The following MARCHF1 variants were observed in gnomAD, a reference collection of about 807,000 sequenced individuals.
The protein encoded by MARCHF1 is membrane associated ring-CH-type finger 1.
Under a neutral mutation model 54.2 loss-of-function variants are expected in MARCHF1, and 40 were observed. The observed-to-expected ratio is 0.74, with a 90% CI of 0.57 to 0.96. The LOEUF is 0.96. Among genes scored for constraint, MARCHF1 ranks in the 40% least tolerant of loss-of-function variants. The pLI is 0.00. For synonymous variants in MARCHF1, 236 were observed against 236.3 expected, an observed-to-expected ratio of 1.00 and a Z score of 0.01; for missense variants, 586 against 656.5, an observed-to-expected ratio of 0.89 and a Z score of 1.17.
chr4:163,595,865 T>C (rs917341113), intron 7 of MARCHF1, among the ~76,000 whole-genome samples: 1 of 152,106 alleles, frequency 6.6e-6, no homozygotes, highest in Non-Finnish European at 1.5e-5. Context: ...CAGTAAATAC[T>C]GTACTCCACA....
At chr4:164,174,431 G>C (rs1219661417) in intron 1 of MARCHF1, among the ~76,000 whole-genome samples, 1 of 152,182 alleles carries the variant, frequency 6.6e-6, no homozygotes, top group Non-Finnish European at 1.5e-5. Flanking sequence ...CTGCGCACCA[G>C]ATGTGTCATT....
intron 5 of MARCHF1, among the ~76,000 whole-genome samples, chr4:163,618,944 A>G (rs1741595289): frequency 6.6e-6 from 1 of 150,450 alleles, no homozygotes; most frequent in African/African-American, 2.4e-5. Flanking sequence ...CCAGAGAAGG[A>G]GACGCCTGTC....
At chr4:163,997,548 AG>A in intron 2 of MARCHF1, among the ~76,000 whole-genome samples, 1 of 152,158 alleles carries the variant, frequency 6.6e-6, no homozygotes, top group Non-Finnish European at 1.5e-5. Flanking sequence ...ATATTTTTAA[AG>A]GCTGGGTTCA....
chr4:164,347,301 G>A (rs187786819), intron 1 of MARCHF1, among the ~76,000 whole-genome samples: 345 of 152,112 alleles, frequency 2.3e-3, no homozygotes, highest in Middle Eastern at 6.8e-3. Flanking sequence ...TTATTTCTAT[G>A]TGTCCTTCCA....
intron 3 of MARCHF1, among the ~76,000 whole-genome samples, chr4:163,874,303 G>C (rs1486615270): frequency 6.6e-6 from 1 of 152,170 alleles, no homozygotes; most frequent in Non-Finnish European, 1.5e-5. Flanking sequence ...GTGATAATTT[G>C]TCAACTGGAG....
chr4:164,086,797 A>G (rs1422312279), intron 2 of MARCHF1, among the ~76,000 whole-genome samples: 3 of 152,136 alleles, frequency 2.0e-5, no homozygotes, highest in Non-Finnish European at 2.9e-5. Flanking sequence ...ATGAATGTGG[A>G]CAGAATTAAT....
chr4:163,853,927 C>T lies in MARCHF1; in HGVS notation c.111+94G>A, dbSNP rs79895137. 8.6e-3 allele frequency: 9,330 copies of T among 1,088,818 alleles called. 362 individuals are homozygous for T. In the East Asian group the frequency reaches 0.12, roughly 14 times the overall value. The allele number at this position is 1,088,818 out of a possible 1,614,324, so 67.4% of individuals were successfully genotyped here. On this transcript the variant is annotated intron_variant, in intron 4 of 9. Transcript: ENST00000514618. ...CAAATGCAAATACTGTTGTAAACAACGATAACATTTACTTATAAGGTCATC... is the reference window on the plus strand; with the variant it reads ...CAAATGCAAATACTGTTGTAAACAATGATAACATTTACTTATAAGGTCATC...
At chr4:163,921,625 C>T (rs1751432330) in intron 3 of MARCHF1, among the ~76,000 whole-genome samples, 1 of 149,698 alleles carries the variant, frequency 6.7e-6, no homozygotes, top group South Asian at 2.1e-4. Flanking sequence ...ATATTTTTTT[C>T]TCACATTGTT....
At chr4:163,616,909 G>GT (rs963875088) in intron 5 of MARCHF1, among the ~76,000 whole-genome samples, 17 of 151,996 alleles carry the variant, frequency 1.1e-4, no homozygotes, top group African/African-American at 3.9e-4. Flanking sequence ...ACTATACTGG[G>GT]TATTTATTCA....
chr4:164,368,520 A>G (rs1443281254), intron 1 of MARCHF1, among the ~76,000 whole-genome samples: 1 of 152,088 alleles, frequency 6.6e-6, no homozygotes, highest in Non-Finnish European at 1.5e-5. Flanking sequence ...GGCTAATATA[A>G]CCTTATTATC....
At chr4:163,964,062 C>T (rs934876250) in intron 3 of MARCHF1, among the ~76,000 whole-genome samples, 1 of 151,922 alleles carries the variant, frequency 6.6e-6, no homozygotes, top group African/African-American at 2.4e-5. Flanking sequence ...TTTTCTGGGA[C>T]CCCAGAGCTC....
intron 3 of MARCHF1, among the ~76,000 whole-genome samples, chr4:163,860,359 A>G (rs1047761443): frequency 1.6e-4 from 25 of 152,146 alleles, no homozygotes; most frequent in Admixed American, 1.3e-4. Context: ...ATTTCATGAG[A>G]ATATCTGAGA....
intron 4 of MARCHF1, among the ~76,000 whole-genome samples, chr4:163,823,872 ATTAAG>A (rs1289348954): frequency 1.5e-4 from 8 of 54,330 alleles, no homozygotes; most frequent in African/African-American, 3.1e-4. Flanking sequence ...TCGATGTAAA[ATTAAG>A]TTATGTTAAA....
At chr4:163,609,251 T>C (rs1384521896) in intron 7 of MARCHF1, among the ~76,000 whole-genome samples, 7 of 152,036 alleles carry the variant, frequency 4.6e-5, no homozygotes, top group African/African-American at 1.7e-4. Flanking sequence ...TAACCACAAA[T>C]AGCTTGCCTG....
chr4:163,649,767 G>A (rs1742899831), intron 5 of MARCHF1, among the ~76,000 whole-genome samples: 1 of 149,302 alleles, frequency 6.7e-6, no homozygotes, highest in Admixed American at 6.8e-5. Context: ...GCCTGGTTCT[G>A]TCATTGTGTG....
chr4:163,786,410 A>G (rs1448325658), intron 4 of MARCHF1, among the ~76,000 whole-genome samples: 3 of 152,016 alleles, frequency 2.0e-5, no homozygotes, highest in African/African-American at 7.2e-5. Context: ...AAACAAATAC[A>G]CCTTTTTTTC....
chr4:164,052,204 G>A (rs528384243), intron 2 of MARCHF1, among the ~76,000 whole-genome samples: 1 of 151,304 alleles, frequency 6.6e-6, no homozygotes, highest in Non-Finnish European at 1.5e-5. Flanking sequence ...GGAAGTTAGA[G>A]ATTATGCCTC....
At chr4:163,830,433 G>C (rs1255474867) in intron 4 of MARCHF1, among the ~76,000 whole-genome samples, 2 of 152,090 alleles carry the variant, frequency 1.3e-5, no homozygotes, top group African/African-American at 4.8e-5. Flanking sequence ...ATATGGAAAG[G>C]AGAGGAAAGA....
chr4:163,545,826 G>A (rs544879154), intron 8 of MARCHF1, 83 bp from the exon 9 acceptor site: 3 of 1,184,980 alleles, frequency 2.5e-6, no homozygotes, highest in Admixed American at 3.9e-5. Context: ...CACAGATCAT[G>A]AATGGAAGAA....
Sources: gnomAD v4.1 joint callset for allele counts (sites outside exome capture counted in the v4.1 genomes callset) on GRCh38, gnomAD v4.1.1 for gene constraint, MANE v1.5 for transcripts, NCBI Gene and HGNC (gene_info 2026-07-23, HGNC 2026-07-21) for gene names.